ZNF462: variants seen among roughly 807,000 people sequenced by gnomAD.
The protein encoded by ZNF462 is zinc finger protein 462, also known as zinc finger PBX1-interacting protein.
ZNF462 carries 10 observed loss-of-function variants against 201.9 expected under a neutral mutation model. The observed-to-expected ratio is 0.05, with a 90% CI of 0.03 to 0.08. The LOEUF (loss-of-function observed/expected upper bound fraction) is 0.08, where lower values mean the gene tolerates loss of function less well. ZNF462 is among the 10% of genes least tolerant of loss of function. ZNF462 has a pLI of 1.00. For synonymous variants in ZNF462, 1,227 were observed against 1,193.3 expected, an observed-to-expected ratio of 1.03 and a Z score of -0.58; for missense variants, 2,523 against 3,168.3, an observed-to-expected ratio of 0.80 and a Z score of 4.89.
At chr9:106,864,050 C>CTCTCTCTCTCTCTCTCTCTCTG (rs2130745849) in intron 1 of ZNF462, among the ~76,000 whole-genome samples, 1 of 48,538 alleles carries the variant, frequency 2.1e-5, no homozygotes, top group Admixed American at 1.9e-4. Flanking sequence ...CTCTCTCTCT[C>CTCTCTCTCTCTCTCTCTCTCTG]TCTCTCTCTC....
Position 106,895,738 on chromosome 9 carries a change from C to T in ZNF462, c.-30-27616C>T, listed in dbSNP as rs1219874566. Among the ~76,000 whole-genome samples, 1 of 152,148 alleles carries T rather than the reference C, an allele frequency of 6.6e-6. No homozygotes were observed. The highest frequency in any genetic ancestry group is 1.9e-4 in the East Asian group (1 of 5,198). ...CTAAAACCTATGTTAGTTCTAGTGACCTGTGCTGATTGCTAGCTTTCAAGA... is the reference window on the plus strand; with the variant it reads ...CTAAAACCTATGTTAGTTCTAGTGATCTGTGCTGATTGCTAGCTTTCAAGA... On this transcript the variant is annotated intron_variant, in intron 1 of 12. Transcript: ENST00000277225. The surrounding 1 kb of genome is among the most constrained non-coding windows in gnomAD (Gnocchi z 4.4).
chr9:106,905,115 TC>T lies in ZNF462; in HGVS notation c.-30-18236del, dbSNP rs1208422684. ...CAGATTCTTTTGTCCCAAGGGGTGTTCCCTTGATGTGTAGTACTCTCCCCCT... is the reference window on the plus strand; with the variant it reads ...CAGATTCTTTTGTCCCAAGGGGTGTTCCTTGATGTGTAGTACTCTCCCCCT... On this transcript the variant is annotated intron_variant, in intron 1 of 12. Coordinates refer to ENST00000277225, the MANE Select transcript of ZNF462 (RefSeq NM_021224.6). This position sits in a 1 kb window ranked among gnomAD's most constrained non-coding sequence, Gnocchi z 5.9. 6.6e-6 allele frequency among the ~76,000 whole-genome samples: 1 copy of T among 152,150 alleles called. No individual in the cohort carries two copies. Among genetic ancestry groups the T allele is most frequent in the Non-Finnish European group, 1.5e-5 (1 of 68,030 alleles).
At position 106,932,406 on chromosome 9, in the gene ZNF462, C is replaced by T. The variant is rs765868324; in HGVS notation, c.6013-40C>T. ...AGGATGAAACCCGGCCGGGGGGATA[C>T]CATTGCAGTCAATGTGACAGAGTCC... is the stretch of plus-strand genomic sequence containing the variant. On this transcript the variant is annotated intron_variant, in intron 4 of 12. Transcript: ENST00000277225. This position sits in a 1 kb window ranked among gnomAD's most constrained non-coding sequence, Gnocchi z 6.8. 6.8e-6 allele frequency: 11 copies of T among 1,614,100 alleles called. No individual in the cohort carries two copies. In the East Asian group the frequency reaches 2.5e-4, roughly 36 times the overall value.
intron 1 of ZNF462, among the ~76,000 whole-genome samples, chr9:106,892,702 ACG>A (rs968789851): frequency 3.8e-4 from 49 of 127,298 alleles, no homozygotes; most frequent in African/African-American, 8.8e-4. Flanking sequence ...GCACACACAC[ACG>A]CACACACACA....
chr9:106,881,199 A>G (rs1012952838), intron 1 of ZNF462, among the ~76,000 whole-genome samples: 2 of 152,184 alleles, frequency 1.3e-5, no homozygotes, highest in Admixed American at 6.5e-5. Flanking sequence ...ACTCTAGACC[A>G]TCTTTTCAAA....
At position 106,978,397 on chromosome 9, in the gene ZNF462, A is replaced by G. The variant is rs1428772212; in HGVS notation, c.6832+4124A>G. Among the ~76,000 whole-genome samples, 1 of 151,676 alleles carries G rather than the reference A, an allele frequency of 6.6e-6. No homozygotes were observed. The highest frequency in any genetic ancestry group is 2.4e-5 in the African/African-American group (1 of 40,922). ...GTATGAAGCGCCTGGATACTAATAT[A>G]GAAGTTGGAACTTTAGTCAGTAGAC... On this transcript the variant is annotated intron_variant, in intron 9 of 12. Transcript: ENST00000277225. The surrounding 1 kb of genome is among the most constrained non-coding windows in gnomAD (Gnocchi z 4.1).
Position 107,005,772 on chromosome 9 carries a change from G to C in ZNF462, c.7189+2346G>C, listed in dbSNP as rs1310885594. Among the ~76,000 whole-genome samples, 1 of 152,122 alleles carries C rather than the reference G, an allele frequency of 6.6e-6. No individual in the cohort carries two copies. The highest frequency in any genetic ancestry group is 1.5e-5 in the Non-Finnish European group (1 of 68,014). Reference sequence around the variant, plus strand: ...AATCATTGCCCAGACCAATGTCATGGAGCTTTTCCCCTTTGTTTTTGTCTA... The same window carrying C: ...AATCATTGCCCAGACCAATGTCATGCAGCTTTTCCCCTTTGTTTTTGTCTA... On this transcript the variant is annotated intron_variant, in intron 11 of 12. Coordinates refer to ENST00000277225, the MANE Select transcript of ZNF462 (RefSeq NM_021224.6). This position sits in a 1 kb window ranked among gnomAD's most constrained non-coding sequence, Gnocchi z 4.4.
Position 106,938,075 on chromosome 9 carries a change from T to C in ZNF462, c.6236-841T>C, listed in dbSNP as rs1287824723. On this transcript the variant is annotated intron_variant, in intron 6 of 12. Transcript: ENST00000277225. This position sits in a 1 kb window ranked among gnomAD's most constrained non-coding sequence, Gnocchi z 4.4. ...CTTCACACTCTTAGTTCTTAAAATGTAATTAATTTAACAGGTAATATATGG... is the reference window on the plus strand; with the variant it reads ...CTTCACACTCTTAGTTCTTAAAATGCAATTAATTTAACAGGTAATATATGG... Among the ~76,000 whole-genome samples the C allele has an allele frequency of 6.6e-6, 1 of 152,250 alleles. No individual in the cohort carries two copies. The highest frequency in any genetic ancestry group is 1.5e-5 in the Non-Finnish European group (1 of 68,032).
chr9:106,930,900 C>T lies in ZNF462; in HGVS notation c.6012+211C>T. The T allele has an allele frequency of 1.9e-6, 1 of 527,902 alleles. No individual in the cohort carries two copies. The highest frequency in any genetic ancestry group is 3.3e-6 in the Non-Finnish European group (1 of 303,570). 32.7% of individuals were successfully genotyped at this position (527,902 alleles called of 1,614,324 possible). A position where few individuals can be genotyped will look rare whatever the true frequency, so the allele number is the denominator to read the frequency against. On this transcript the variant is annotated intron_variant, in intron 4 of 12. Coordinates refer to ENST00000277225, the MANE Select transcript of ZNF462 (RefSeq NM_021224.6). The surrounding 1 kb of genome is among the most constrained non-coding windows in gnomAD (Gnocchi z 5.8). Reference sequence around the variant, plus strand: ...AAAGGTCGAGTTTCGATCTGGTTTCCTTCCACGCGGATAGTTTGGTGGCAG... The same window carrying T: ...AAAGGTCGAGTTTCGATCTGGTTTCTTTCCACGCGGATAGTTTGGTGGCAG...
At chr9:106,860,224 A>G (rs1827030687), upstream of ZNF462, among the ~76,000 whole-genome samples, 2 of 152,256 alleles carry the variant, frequency 1.3e-5, no homozygotes, top group South Asian at 4.2e-4. The surrounding 1 kb of genome is among the most constrained non-coding windows in gnomAD (Gnocchi z 7.1). Flanking sequence ...GTGAGTGTGA[A>G]AGGGCGGCAG....
At position 106,950,017 on chromosome 9, in the gene ZNF462, G is replaced by A. The variant is rs914021758; in HGVS notation, c.6427+10910G>A. Among the ~76,000 whole-genome samples, 25 of 152,240 alleles carry A rather than the reference G, an allele frequency of 1.6e-4. No homozygotes were observed. Among genetic ancestry groups the A allele is most frequent in the African/African-American group, 2.9e-4 (12 of 41,552 alleles). On this transcript the variant is annotated intron_variant, in intron 7 of 12. Coordinates refer to ENST00000277225, the MANE Select transcript of ZNF462 (RefSeq NM_021224.6). The surrounding 1 kb of genome is among the most constrained non-coding windows in gnomAD (Gnocchi z 4.1). Reference sequence around the variant, plus strand: ...CCTAGACCTGACCAGAGGGTTAGCCGTTTCAAAGGGGCTTTCTCCAGCATC... The same window carrying A: ...CCTAGACCTGACCAGAGGGTTAGCCATTTCAAAGGGGCTTTCTCCAGCATC...
At chr9:106,947,496 A>G (rs966741420) in intron 7 of ZNF462, among the ~76,000 whole-genome samples, 5 of 152,162 alleles carry the variant, frequency 3.3e-5, no homozygotes, top group African/African-American at 1.2e-4. Context: ...CCCTTTGGCC[A>G]GTTTGAAAGT....
chr9:106,976,296 A>G (rs1008927366), intron 9 of ZNF462: 1 of 152,204 alleles, frequency 6.6e-6, no homozygotes, highest in Non-Finnish European at 1.5e-5. Context: ...CATGGTAGAA[A>G]AGAAACCCAC....
chr9:106,940,243 A>G (rs1221262349), intron 7 of ZNF462, among the ~76,000 whole-genome samples: 1 of 152,226 alleles, frequency 6.6e-6, no homozygotes, highest in Non-Finnish European at 1.5e-5. Flanking sequence ...TACCTAATAC[A>G]GCCTCTGACA....
chr9:106,863,342 G>C lies in ZNF462; in HGVS notation c.-44G>C, dbSNP rs1302522230. 3 of 397,078 alleles carry C rather than the reference G, an allele frequency of 7.6e-6. No homozygotes were observed. Among genetic ancestry groups the C allele is most frequent in the Non-Finnish European group, 1.3e-5 (3 of 225,240 alleles). The allele number at this position is 397,078 out of a possible 1,614,324, so 24.6% of individuals were successfully genotyped here. A position where few individuals can be genotyped will look rare whatever the true frequency, so the allele number is the denominator to read the frequency against. ...AGAACCCGAAGCACCTCCCGGCGCCGGGACGCTTCTTCTGTAAGTTACTGC... is the reference window on the plus strand; with the variant it reads ...AGAACCCGAAGCACCTCCCGGCGCCCGGACGCTTCTTCTGTAAGTTACTGC... On this transcript the variant is annotated 5_prime_UTR_variant, in exon 1 of 13. Transcript: ENST00000277225.
In ZNF462 at chr9:106,909,952, C is replaced by T. The variant is rs537334419; in HGVS notation, c.-30-13402C>T. On this transcript the variant is annotated intron_variant, in intron 1 of 12. Coordinates refer to ENST00000277225, the MANE Select transcript of ZNF462 (RefSeq NM_021224.6). Reference sequence around the variant, plus strand: ...TGTTTTGTTTTGCTGTCTACTTCTACGAAACCTTTTATCTGTATGTTCGAT... The same window carrying T: ...TGTTTTGTTTTGCTGTCTACTTCTATGAAACCTTTTATCTGTATGTTCGAT... Among the ~76,000 whole-genome samples, 15 of 152,254 alleles carry T rather than the reference C, an allele frequency of 9.9e-5. No individual in the cohort carries two copies. The East Asian group carries it at 2.3e-3, about 23-fold the overall frequency.
rs1588019367 is a variant in ZNF462, at chr9:106,897,767, A to C, written c.-30-25587A>C. On this transcript the variant is annotated intron_variant, in intron 1 of 12. Coordinates refer to ENST00000277225, the MANE Select transcript of ZNF462 (RefSeq NM_021224.6). ...AATGCCAGATCTGCTAGACAGTCTT[A>C]AGACAAGGATGGCATTGAGATTAGG... Among the ~76,000 whole-genome samples the C allele has an allele frequency of 2.6e-5, 4 of 152,320 alleles. No homozygotes were observed. In the South Asian group the frequency reaches 8.3e-4, roughly 32 times the overall value.
chr9:106,991,445 C>T (rs1828262196), intron 10 of ZNF462, among the ~76,000 whole-genome samples: 1 of 151,636 alleles, frequency 6.6e-6, no homozygotes, highest in African/African-American at 2.4e-5. Context: ...ATTAGGAGAC[C>T]CAATATTGGT....
chr9:106,923,216 T>C lies in ZNF462; in HGVS notation c.-30-138T>C. 1 of 637,962 alleles carries C rather than the reference T, an allele frequency of 1.6e-6. No homozygotes were observed. Among genetic ancestry groups the C allele is most frequent in the Non-Finnish European group, 2.7e-6 (1 of 363,814 alleles). 39.5% of individuals were successfully genotyped at this position (637,962 alleles called of 1,614,324 possible). The stretch of plus-strand genomic sequence containing the variant: ...TGTCTGATTGCCTCTCTTTAGCCAA[T>C]GTTCCAACTGGCAAAGTCCAATAAG... On this transcript the variant is annotated intron_variant, in intron 1 of 12. Coordinates refer to ENST00000277225, the MANE Select transcript of ZNF462 (RefSeq NM_021224.6). This position sits in a 1 kb window ranked among gnomAD's most constrained non-coding sequence, Gnocchi z 5.6.
Sources: gnomAD v4.1 joint callset for allele counts (sites outside exome capture counted in the v4.1 genomes callset) on GRCh38, gnomAD v4.1.1 for gene constraint, Gnocchi (gnomAD v3.1) non-coding constraint, MANE v1.5 for transcripts, NCBI Gene and HGNC (gene_info 2026-07-23, HGNC 2026-07-21) for gene names.